APAF1: variants seen among roughly 807,000 people sequenced by gnomAD.
The protein encoded by APAF1 is apoptotic peptidase activating factor 1.
A neutral mutation model predicts 152.4 loss-of-function variants in APAF1; 91 were observed. That is an observed-to-expected ratio of 0.60 (90% CI 0.50 to 0.71). The LOEUF is 0.71. Among genes scored for constraint, APAF1 ranks in the 30% least tolerant of loss-of-function variants. The pLI, the probability that APAF1 is intolerant of heterozygous loss-of-function variation, is 0.00. For synonymous variants in APAF1, 484 were observed against 494.1 expected (o/e 0.98, Z 0.27); for missense variants, 1,283 against 1,472.0 (o/e 0.87, Z 2.10).
At chr12:98,670,930 G>A in intron 10 of APAF1, 43 bp from the exon 11 acceptor site, 1 of 1,257,650 alleles carries the variant, frequency 8.0e-7, no homozygotes, top group Non-Finnish European at 1.2e-6. Context: ...AAAATTTTTT[G>A]ATCTCTAACA....
At chr12:98,698,757 A>T (rs189006089) in intron 16 of APAF1, among the ~76,000 whole-genome samples, 1 of 152,320 alleles carries the variant, frequency 6.6e-6, no homozygotes, top group East Asian at 1.9e-4. Context: ...GACACTGCTC[A>T]TGGCCCAGAG....
intron 1 of APAF1, among the ~76,000 whole-genome samples, 162 bp from the exon 2 acceptor site, chr12:98,648,157 T>G (rs2097644294): frequency 6.6e-6 from 1 of 152,236 alleles, no homozygotes; most frequent in African/African-American, 2.4e-5. Context: ...AGAATGGCCA[T>G]TTTCTCATAC....
chr12:98,703,395 C>T lies in APAF1; in HGVS notation c.2491C>T (p.Leu831=), dbSNP rs772659675. 3.1e-6 allele frequency: 5 copies of T among 1,614,064 alleles called. No homozygotes were observed. Among genetic ancestry groups the T allele is most frequent in the Admixed American group, 1.7e-5 (1 of 60,024 alleles). ...GCTTTTTGACATTCATACTAGTGGC[C>T]TATTGGGAGAAATCCACACGGGCCA... is the stretch of plus-strand genomic sequence containing the variant. ...IFLFDIHTSG[L]LGEIHTGHHS... Residue 831 remains leucine (L), a synonymous_variant, in exon 18 of 27, where the codon CTA becomes TTA. Transcript: ENST00000551964.
chr12:98,649,888 G>A (rs1235845427), intron 4 of APAF1, among the ~76,000 whole-genome samples: 1 of 152,144 alleles, frequency 6.6e-6, no homozygotes, highest in Non-Finnish European at 1.5e-5. Context: ...CAGGAGTTTG[G>A]AGAAAGAATA....
chr12:98,678,327 A>G (rs1319850274), intron 13 of APAF1, among the ~76,000 whole-genome samples: 1 of 152,246 alleles, frequency 6.6e-6, no homozygotes, highest in Non-Finnish European at 1.5e-5. Context: ...GGCTGCTGCC[A>G]TCATGCTGGC....
At chr12:98,665,163 G>A (rs1234025705) in intron 7 of APAF1, among the ~76,000 whole-genome samples, 3 of 150,430 alleles carry the variant, frequency 2.0e-5, no homozygotes, top group South Asian at 2.1e-4. Flanking sequence ...CTAAGTAGCC[G>A]GCACTATAGG....
chr12:98,672,222 T>C (rs893068652), intron 12 of APAF1, among the ~76,000 whole-genome samples: 17 of 152,288 alleles, frequency 1.1e-4, no homozygotes, highest in African/African-American at 3.8e-4. Context: ...TGGAGTGCAG[T>C]GGTGTGATCT....
intron 8 of APAF1, 48 bp downstream of exon 8, chr12:98,665,839 C>A (rs1050185397): frequency 3.5e-6 from 5 of 1,435,570 alleles, no homozygotes; most frequent in Non-Finnish European, 4.9e-6. Flanking sequence ...TGCATGTAAG[C>A]TTTGATATAG....
At chr12:98,699,193 G>A (rs889110578) in intron 16 of APAF1, among the ~76,000 whole-genome samples, 1 of 152,104 alleles carries the variant, frequency 6.6e-6, no homozygotes, top group African/African-American at 2.4e-5. Context: ...TTTATGTTCT[G>A]CATTTTGGGC....
chr12:98,704,592 G>A (rs781779128), intron 18 of APAF1, among the ~76,000 whole-genome samples: 2 of 152,126 alleles, frequency 1.3e-5, no homozygotes, highest in Non-Finnish European at 2.9e-5. Flanking sequence ...GAGATCCATA[G>A]GCTTCTCCTA....
chr12:98,646,266 A>T (rs992383260), intron 1 of APAF1, among the ~76,000 whole-genome samples: 1 of 152,222 alleles, frequency 6.6e-6, no homozygotes, highest in African/African-American at 2.4e-5. Context: ...TTTCATTACT[A>T]TAAATTAAGG....
rs779069813 is a variant in APAF1, at chr12:98,708,656, A to C, written c.2793A>C (p.Gln931His). The C allele has an allele frequency of 2.4e-5, 39 of 1,613,756 alleles. No homozygotes were observed. Among genetic ancestry groups the C allele is most frequent in the Non-Finnish European group, 3.2e-5 (38 of 1,179,906 alleles). The part of the protein sequence containing the change: ...MLKQEVDVVF[Q>H]ENEVMVLAVD... ...AGCAAGAAGTAGATGTTGTGTTTCA[A>C]GAAAATGAAGTGATGGTCCTTGCAG... Residue 931 changes from glutamine to histidine, a missense_variant, in exon 20 of 27, where the codon CAA (glutamine) becomes CAC (histidine). Physicochemically the swap from Gln to His is conservative, Grantham distance 24 (BLOSUM62 0). Transcript: ENST00000551964.
Position 98,732,622 on chromosome 12 carries a change from TCTAATGAAACC to T in APAF1, c.*59_*69del. On this transcript the variant is annotated 3_prime_UTR_variant, in exon 27 of 27. Transcript: ENST00000551964. Reference sequence around the variant, plus strand: ...TTAAATTTTTGAATTGGAAAAAAATTCTAATGAAACCCTGATATCAACTTTTTATAAAGCTC... The same window carrying T: ...TTAAATTTTTGAATTGGAAAAAAATTCTGATATCAACTTTTTATAAAGCTC... 1 of 1,227,526 alleles carries T rather than the reference TCTAATGAAACC, an allele frequency of 8.1e-7. No individual in the cohort carries two copies. Among genetic ancestry groups the T allele is most frequent in the Non-Finnish European group, 1.2e-6 (1 of 857,840 alleles). 76.0% of individuals were successfully genotyped at this position (1,227,526 alleles called of 1,614,324 possible).
intron 4 of APAF1, 142 bp downstream of exon 4, chr12:98,649,826 C>A: frequency 1.3e-6 from 1 of 798,210 alleles, no homozygotes; most frequent in Non-Finnish European, 2.0e-6. Context: ...TGTTAACTCT[C>A]TGAAGGGAGG....
At chr12:98,728,607 G>A (rs2097754840) in intron 26 of APAF1, among the ~76,000 whole-genome samples, 1 of 152,072 alleles carries the variant, frequency 6.6e-6, no homozygotes, top group Admixed American at 6.6e-5. Flanking sequence ...TGTAGTCCCA[G>A]CTACTTGGGA....
In APAF1 at chr12:98,722,501, T is replaced by C. The variant is rs367569272; in HGVS notation, c.3085-692T>C. Among the ~76,000 whole-genome samples, 92 of 152,326 alleles carry C rather than the reference T, an allele frequency of 6.0e-4. 1 individual carries two copies. Among genetic ancestry groups the C allele is most frequent in the African/African-American group, 1.7e-3 (71 of 41,586 alleles). ...ACAGTTGCTTTTAGTAATTAAGAAA[T>C]GTCCTTTACATAGACATAGCATAAA... On this transcript the variant is annotated intron_variant, in intron 22 of 26. Transcript: ENST00000551964.
In APAF1 at chr12:98,649,640, C is replaced by G; in HGVS notation, c.482C>G (p.Ser161Cys). The G allele has an allele frequency of 6.2e-7, 1 of 1,614,080 alleles. No individual in the cohort carries two copies. The change falls in exon 4 of 27, where the codon TCT becomes TGT. Residue 161 changes from serine to cysteine, a missense_variant. Physicochemically the swap from Ser to Cys is moderately radical, Grantham distance 112. Coordinates refer to ENST00000551964, the MANE Select transcript of APAF1 (RefSeq NM_181861.2). ...TIHGMAGCGK[S>C]VLAAEAVRDH... ...CATGGAATGGCAGGCTGTGGGAAGTCTGTATTAGCTGCAGAAGCTGTTAGA... is the reference window on the plus strand; with the variant it reads ...CATGGAATGGCAGGCTGTGGGAAGTGTGTATTAGCTGCAGAAGCTGTTAGA...
intron 4 of APAF1, among the ~76,000 whole-genome samples, chr12:98,656,900 T>A (rs1461280533): frequency 2.0e-5 from 3 of 152,238 alleles, no homozygotes; most frequent in African/African-American, 7.2e-5. Context: ...TAACCTTTCC[T>A]ATTGATGTAA....
chr12:98,717,361 C>G (rs1215265339), intron 22 of APAF1, among the ~76,000 whole-genome samples: 1 of 151,244 alleles, frequency 6.6e-6, no homozygotes, highest in African/African-American at 2.4e-5. Context: ...TATACACACA[C>G]ACACACATAT....
Sources: gnomAD v4.1 joint callset for allele counts (sites outside exome capture counted in the v4.1 genomes callset) on GRCh38, gnomAD v4.1.1 for gene constraint, MANE v1.5 for transcripts, NCBI Gene and HGNC (gene_info 2026-07-23, HGNC 2026-07-21) for gene names.